The following PIK3CD variants were observed in gnomAD, a reference collection of about 807,000 sequenced individuals.
The protein encoded by PIK3CD is phosphatidylinositol 4,5-bisphosphate 3-kinase catalytic subunit delta isoform.
In PIK3CD, 20 loss-of-function variants were observed where a neutral mutation model predicts 122.9. The observed-to-expected ratio is 0.16, with a 90% CI of 0.11 to 0.24. The LOEUF is 0.24. Ranked by LOEUF, PIK3CD falls within the 10% of genes least tolerant of loss-of-function variation. The pLI is 1.00. For missense variants in PIK3CD, 787 were observed against 1,406.3 expected, an observed-to-expected ratio of 0.56 and a Z score of 7.04; for synonymous variants, 596 against 593.4, an observed-to-expected ratio of 1.00 and a Z score of -0.06.
At position 9,652,658 on chromosome 1, in the gene PIK3CD, C is replaced by T. The variant is rs1369694561; in HGVS notation, c.-138+856C>T. On this transcript the variant is annotated intron_variant, in intron 1 of 23. Coordinates refer to ENST00000377346, the MANE Select transcript of PIK3CD (RefSeq NM_005026.5). This position sits in a 1 kb window ranked among gnomAD's most constrained non-coding sequence, Gnocchi z 6.2. ...TTTCCTGTTTTTATTTAGGCTTCCT[C>T]ATTTGCACCTCCTCCTTTGAGGTAG... 6.6e-6 allele frequency: 1 copy of T among 152,284 alleles called. No homozygotes were observed. Among genetic ancestry groups the T allele is most frequent in the Non-Finnish European group, 1.5e-5 (1 of 68,066 alleles). The allele number at this position is 152,284 out of a possible 1,614,324, so 9.4% of individuals were successfully genotyped here. A position where few individuals can be genotyped will look rare whatever the true frequency, so the allele number is the denominator to read the frequency against.
At chr1:9,656,103 C>T (rs1644848903) in intron 1 of PIK3CD, among the ~76,000 whole-genome samples, 1 of 152,030 alleles carries the variant, frequency 6.6e-6, no homozygotes, top group Non-Finnish European at 1.5e-5. Context: ...GGGGAAATTG[C>T]TTCCACTTAG....
intron 2 of PIK3CD, among the ~76,000 whole-genome samples, chr1:9,701,420 C>T (rs188483222): frequency 6.0e-4 from 92 of 152,192 alleles, no homozygotes; most frequent in African/African-American, 2.1e-3. Context: ...GCCTGTAATC[C>T]CAGCACTTTG....
chr1:9,635,069 G>A, the PIK3CD span, among the ~76,000 whole-genome samples: 1 of 152,042 alleles, frequency 6.6e-6, no homozygotes, highest in South Asian at 2.1e-4. Context: ...AGACGGGTGG[G>A]TCACCTGAGG....
At chr1:9,665,040 A>G (rs2100887767) in intron 1 of PIK3CD, among the ~76,000 whole-genome samples, 1 of 151,934 alleles carries the variant, frequency 6.6e-6, no homozygotes, top group Admixed American at 6.6e-5. Flanking sequence ...CCTGTCCTAC[A>G]AAAAATAAAA....
upstream of PIK3CD, among the ~76,000 whole-genome samples, chr1:9,650,559 G>A (rs1644652687): frequency 6.6e-6 from 1 of 152,120 alleles, no homozygotes; most frequent in African/African-American, 2.4e-5. Flanking sequence ...AGGATGCAGA[G>A]ATTGCAGTGA....
chr1:9,694,910 C>T (rs950106732), intron 2 of PIK3CD, among the ~76,000 whole-genome samples: 1 of 151,986 alleles, frequency 6.6e-6, no homozygotes, highest in African/African-American at 2.4e-5. Flanking sequence ...TGCAGTGAGC[C>T]ATGATCATAC....
In PIK3CD at chr1:9,716,442, G is replaced by C. The variant is rs757878191; in HGVS notation, c.603G>C (p.Glu201Asp). The C allele has an allele frequency of 4.3e-6, 7 of 1,610,920 alleles. No homozygotes were observed. Among genetic ancestry groups the C allele is most frequent in the Non-Finnish European group, 4.2e-6 (5 of 1,179,924 alleles). Reference protein sequence around the residue: ...LVNVKFEGSEESFTFQVSTKD... With the variant: ...LVNVKFEGSEDSFTFQVSTKD... The stretch of plus-strand genomic sequence containing the variant: ...ACTGACCTCCCTCCTCCCCACAGGA[G>C]AGCTTCACCTTCCAGGTGTCCACCA... Residue 201 changes from glutamate to aspartate, a missense_variant and splice_region_variant, in exon 6 of 24, where the codon GAG becomes GAC. Physicochemically the swap from Glu to Asp is conservative, Grantham distance 45. Transcript: ENST00000377346.
Position 9,716,546 on chromosome 1 carries a change from C to T in PIK3CD, c.707C>T (p.Pro236Leu), listed in dbSNP as rs373049250. 17 of 1,608,110 alleles carry T rather than the reference C, an allele frequency of 1.1e-5. No individual in the cohort carries two copies. The East Asian group carries it at 1.6e-4, about 15-fold the overall frequency. The part of the protein sequence containing the change: ...TVFRQPLVEQ[P>L]EDYTLQVNGR... The stretch of plus-strand genomic sequence containing the variant: ...TTCCGGCAGCCGCTGGTGGAGCAGC[C>T]GGAAGACTACACGCTGCAGGTGAAC... The change falls in exon 6 of 24, where the codon CCG becomes CTG. Residue 236 changes from proline to leucine, a missense_variant. Transcript: ENST00000377346.
At chr1:9,675,370 A>AG (rs1458868611) in intron 1 of PIK3CD, among the ~76,000 whole-genome samples, 2 of 134,830 alleles carry the variant, frequency 1.5e-5, no homozygotes, top group African/African-American at 2.9e-5. Flanking sequence ...TGGGCCACAG[A>AG]GCGAGACTCC....
chr1:9,711,978 G>A (rs2100791989), intron 3 of PIK3CD, among the ~76,000 whole-genome samples: 1 of 150,570 alleles, frequency 6.6e-6, no homozygotes, highest in Non-Finnish European at 1.5e-5. Context: ...CTCGCTGCAA[G>A]CTCCACCTCC....
At chr1:9,699,761 T>C (rs377390349) in intron 2 of PIK3CD, among the ~76,000 whole-genome samples, 13 of 152,180 alleles carry the variant, frequency 8.5e-5, no homozygotes, top group African/African-American at 3.1e-4. Context: ...GCTAATTTTT[T>C]TGTATTTTTT....
At chr1:9,695,830 C>T (rs566107210) in intron 2 of PIK3CD, among the ~76,000 whole-genome samples, 3 of 140,180 alleles carry the variant, frequency 2.1e-5, no homozygotes, top group South Asian at 2.2e-4. Context: ...GGTGACAGAG[C>T]GAGACTCAGT....
the PIK3CD span, among the ~76,000 whole-genome samples, chr1:9,627,402 G>C: frequency 6.6e-6 from 1 of 152,264 alleles, no homozygotes; most frequent in African/African-American, 2.4e-5. Context: ...CCGTGCACGA[G>C]GCTGAGAGCA....
At chr1:9,640,663 T>A in the PIK3CD span, among the ~76,000 whole-genome samples, 1 of 152,114 alleles carries the variant, frequency 6.6e-6, no homozygotes, top group South Asian at 2.1e-4. Context: ...TTGTTGCTTC[T>A]AGGTCTTTCC....
chr1:9,676,407 C>T (rs1035524470), intron 1 of PIK3CD, among the ~76,000 whole-genome samples: 1 of 152,346 alleles, frequency 6.6e-6, no homozygotes, highest in East Asian at 1.9e-4. Flanking sequence ...GAGTTGGCGT[C>T]TTGGACTCTG....
chr1:9,724,708 G>A lies in PIK3CD; in HGVS notation c.2865-96G>A. ...CCACCCATTATCAGGGCAAGGGCAG[G>A]TGTCCTTGGGGAAGGGGCTGGTTGG... On this transcript the variant is annotated intron_variant, in intron 22 of 23. Coordinates refer to ENST00000377346, the MANE Select transcript of PIK3CD (RefSeq NM_005026.5). This position sits in a 1 kb window ranked among gnomAD's most constrained non-coding sequence, Gnocchi z 7.3. 1 of 1,489,336 alleles carries A rather than the reference G, an allele frequency of 6.7e-7. No individual in the cohort carries two copies. The highest frequency in any genetic ancestry group is 1.1e-5 in the South Asian group (1 of 88,324). 92.3% of individuals were successfully genotyped at this position (1,489,336 alleles called of 1,614,324 possible).
chr1:9,675,951 G>A (rs1408666106), intron 1 of PIK3CD, among the ~76,000 whole-genome samples: 1 of 130,216 alleles, frequency 7.7e-6, no homozygotes, highest in African/African-American at 3.1e-5. Context: ...TTTTTTTTGA[G>A]ACGAAGTCTT....
At position 9,723,677 on chromosome 1, in the gene PIK3CD, C is replaced by T. The variant is rs555299739; in HGVS notation, c.2595-292C>T. On this transcript the variant is annotated intron_variant, in intron 20 of 23. Transcript: ENST00000377346. The surrounding 1 kb of genome is among the most constrained non-coding windows in gnomAD (Gnocchi z 4.9). Reference sequence around the variant, plus strand: ...GAGATAACCCATCTCATTCCTGGGGCCTTGGCGCCAGCTGTCTGTGATGCC... The same window carrying T: ...GAGATAACCCATCTCATTCCTGGGGTCTTGGCGCCAGCTGTCTGTGATGCC... 6.6e-6 allele frequency among the ~76,000 whole-genome samples: 1 copy of T among 152,272 alleles called. No individual in the cohort carries two copies. Among genetic ancestry groups the T allele is most frequent in the Admixed American group, 6.5e-5 (1 of 15,290 alleles).
chr1:9,657,998 C>T (rs1644907532), intron 1 of PIK3CD, among the ~76,000 whole-genome samples: 1 of 152,108 alleles, frequency 6.6e-6, no homozygotes, highest in Non-Finnish European at 1.5e-5. Context: ...ACAGTGGGGG[C>T]ATTGCTCTTT....
Sources: allele counts gnomAD v4.1 joint callset (sites outside exome capture counted in the v4.1 genomes callset), GRCh38; gene constraint gnomAD v4.1.1; non-coding constraint Gnocchi (gnomAD v3.1); transcripts MANE v1.5; gene names NCBI Gene and HGNC (gene_info 2026-07-23, HGNC 2026-07-21).